SLIT3: variants seen among roughly 807,000 people sequenced by gnomAD.
SLIT3 encodes the protein slit homolog 3 protein.
In SLIT3, 68 loss-of-function variants were observed where a neutral mutation model predicts 184.0. The ratio of observed to expected loss-of-function variants is 0.37; its 90% CI spans 0.30 to 0.45. The LOEUF is 0.45. SLIT3 is among the 20% of genes least tolerant of loss of function. The probability of loss-of-function intolerance (pLI) is 1.00; values close to 1 mark genes in which losing one functional copy is unlikely to be tolerated. For missense variants in SLIT3, 1,707 were observed against 2,026.0 expected, an observed-to-expected ratio of 0.84 and a Z score of 3.02; for synonymous variants, 831 against 828.6, an observed-to-expected ratio of 1.00 and a Z score of -0.05.
rs141571780 is a variant in SLIT3 at position 168,745,319 on chromosome 5, A to G, written c.2270+2983T>C. Among the ~76,000 whole-genome samples the G allele has an allele frequency of 2.2e-3, 330 of 152,346 alleles. 1 individual carries two copies. The highest frequency in any genetic ancestry group is 7.3e-3 in the African/African-American group (302 of 41,568). On this transcript the variant is annotated intron_variant, in intron 20 of 35. Transcript: ENST00000519560. ...GAAATGGAATCTACTTTTGGTGAAG[A>G]TGCTGTGAACGTTGTTGAAATGACA...
chr5:168,942,501 C>T (rs945400831), intron 4 of SLIT3, among the ~76,000 whole-genome samples: 2 of 152,172 alleles, frequency 1.3e-5, no homozygotes, highest in African/African-American at 4.8e-5. Context: ...TGTATCTATG[C>T]ACATTTCTTT....
intron 4 of SLIT3, chr5:168,993,023 G>A (rs1164448609): frequency 6.6e-6 from 1 of 152,162 alleles, no homozygotes; most frequent in Non-Finnish European, 1.5e-5. Flanking sequence ...ATTTACCCCT[G>A]AACCTCTCTG....
chr5:168,764,651 A>G (rs373068782), intron 14 of SLIT3, among the ~76,000 whole-genome samples: 26 of 152,178 alleles, frequency 1.7e-4, no homozygotes, highest in African/African-American at 6.0e-4. Context: ...TGGGTCTCTA[A>G]TTCTGATGTG....
In SLIT3 at chr5:168,748,393, C is replaced by T; in HGVS notation, c.2179G>A (p.Glu727Lys). 2 of 1,520,708 alleles carry T rather than the reference C, an allele frequency of 1.3e-6. No individual in the cohort carries two copies. Among genetic ancestry groups the T allele is most frequent in the Non-Finnish European group, 1.7e-6 (2 of 1,146,076 alleles). 94.2% of individuals were successfully genotyped at this position (1,520,708 alleles called of 1,614,324 possible). Residue 727 changes from glutamate to lysine, a missense_variant, in exon 20 of 36, where the codon GAG (glutamate) becomes AAG (lysine). Physicochemically the swap from Glu to Lys is moderately conservative, Grantham distance 56. Transcript: ENST00000519560. ...SSCQLSPRCPEQCTCMETVVR... is the reference protein window; with the variant it reads ...SSCQLSPRCPKQCTCMETVVR... ...ACTGTCTCCATACAGGTGCACTGCT[C>T]CGGGCAGCGCGGGCTCAGCTGGCAG...
At chr5:168,960,227 G>C (rs60294644) in intron 4 of SLIT3, among the ~76,000 whole-genome samples, 1,599 of 152,322 alleles carry the variant, frequency 0.01, 41 homozygotes, top group African/African-American at 0.036. Context: ...GCAGGTAATA[G>C]TCGGTGCTTG....
chr5:169,005,157 T>C (rs1755869806), intron 4 of SLIT3, among the ~76,000 whole-genome samples: 1 of 152,198 alleles, frequency 6.6e-6, no homozygotes, highest in Non-Finnish European at 1.5e-5. Context: ...TGTTACAAAA[T>C]AGACTATGGA....
At chr5:169,299,381 T>C (rs1767608168) in intron 1 of SLIT3, among the ~76,000 whole-genome samples, 1 of 152,098 alleles carries the variant, frequency 6.6e-6, no homozygotes, top group African/African-American at 2.4e-5. Context: ...ACAATGCTTG[T>C]CATCACTACT....
At chr5:169,010,165 G>A (rs17666792) in intron 4 of SLIT3, among the ~76,000 whole-genome samples, 25,848 of 152,126 alleles carry the variant, frequency 0.17, 2,632 homozygotes, top group East Asian at 0.51. Context: ...AAAAAGTGGC[G>A]GTGTGGAATG....
intron 4 of SLIT3, among the ~76,000 whole-genome samples, chr5:169,165,335 T>C (rs1005573379): frequency 2.0e-5 from 3 of 152,254 alleles, no homozygotes; most frequent in African/African-American, 7.2e-5. Flanking sequence ...TGCAGTCTGC[T>C]AATAGAATCA....
intron 1 of SLIT3, among the ~76,000 whole-genome samples, chr5:169,270,164 C>T (rs1485879947): frequency 6.6e-6 from 1 of 152,212 alleles, no homozygotes; most frequent in Non-Finnish European, 1.5e-5. Context: ...CCTCAAAAAG[C>T]AGCAGTGTCC....
intron 18 of SLIT3, 109 bp downstream of exon 18, chr5:168,752,846 T>C: frequency 1.7e-6 from 2 of 1,148,066 alleles, no homozygotes; most frequent in Non-Finnish European, 2.5e-6. Flanking sequence ...AGTTTTTAAG[T>C]GGACAGACAG....
In SLIT3 at chr5:168,738,494, T is replaced by C. The variant is rs80229505; in HGVS notation, c.2270+9808A>G. 6.0e-3 allele frequency among the ~76,000 whole-genome samples: 920 copies of C among 152,352 alleles called. 10 individuals carry two copies. Among genetic ancestry groups the C allele is most frequent in the African/African-American group, 0.021 (868 of 41,570 alleles). Reference sequence around the variant, plus strand: ...TGTCTAGAGAAAAGTACCTGTGTAATTGAGTTGCAAGCTGAACTAGCTGGC... The same window carrying C: ...TGTCTAGAGAAAAGTACCTGTGTAACTGAGTTGCAAGCTGAACTAGCTGGC... On this transcript the variant is annotated intron_variant, in intron 20 of 35. Transcript: ENST00000519560.
chr5:168,714,314 TGAGGCCTGG>T (rs567042279), intron 23 of SLIT3, among the ~76,000 whole-genome samples: 4 of 152,336 alleles, frequency 2.6e-5, no homozygotes, highest in Admixed American at 6.5e-5. Flanking sequence ...CATTTCCAAA[TGAGGCCTGG>T]GCCCCTGGAG....
intron 4 of SLIT3, among the ~76,000 whole-genome samples, chr5:169,149,263 T>TTGGC (rs1762035228): frequency 6.6e-6 from 1 of 152,074 alleles, no homozygotes; most frequent in South Asian, 2.1e-4. Context: ...CAATGATTGT[T>TTGGC]TGGCGGTAAA....
intron 4 of SLIT3, among the ~76,000 whole-genome samples, chr5:168,982,774 C>T (rs554884814): frequency 6.6e-6 from 1 of 152,244 alleles, no homozygotes; most frequent in East Asian, 1.9e-4. Context: ...TGTCTCTGAA[C>T]TAAAACTCTA....
At position 169,300,548 on chromosome 5, in the gene SLIT3, C is replaced by T; in HGVS notation, c.162G>A (p.Ala54=). The T allele has an allele frequency of 6.6e-7, 1 of 1,509,618 alleles. No individual in the cohort carries two copies. The allele number at this position is 1,509,618 out of a possible 1,614,324, so 93.5% of individuals were successfully genotyped here. The part of the protein sequence containing the change: ...SVDCHGLGLR[A]VPRGIPRNAE... ...CGTTGCGGGGGATGCCCCGAGGAACCGCGCGGAGGCCCAGCCCGTGGCAGT... is the reference window on the plus strand; with the variant it reads ...CGTTGCGGGGGATGCCCCGAGGAACTGCGCGGAGGCCCAGCCCGTGGCAGT... Residue 54 remains alanine, a synonymous_variant, in exon 1 of 36, where the codon GCG becomes GCA. Transcript: ENST00000519560. The surrounding 1 kb of genome is among the most constrained non-coding windows in gnomAD (Gnocchi z 4.1).
At position 168,924,508 on chromosome 5, in the gene SLIT3, ATGTGTG is replaced by A. The variant is rs35121067; in HGVS notation, c.414-41178_414-41173del. ...GGTGTGTAAGGGTGTGTGTGTGTGTATGTGTGTGTGTGTGTGTGTGTAGCTCACTCT... is the reference window on the plus strand; with the variant it reads ...GGTGTGTAAGGGTGTGTGTGTGTGTATGTGTGTGTGTGTGTAGCTCACTCT... On this transcript the variant is annotated intron_variant, in intron 4 of 35. Transcript: ENST00000519560. 7.0e-5 allele frequency among the ~76,000 whole-genome samples: 10 copies of A among 141,916 alleles called. No individual in the cohort carries two copies. In the South Asian group the frequency reaches 2.1e-3, roughly 29 times the overall value. The allele number at this position is 141,916 out of a possible 152,430, so 93.1% of individuals were successfully genotyped here.
chr5:169,090,169 GA>G (rs756111598), intron 4 of SLIT3, among the ~76,000 whole-genome samples: 1 of 152,184 alleles, frequency 6.6e-6, no homozygotes, highest in Non-Finnish European at 1.5e-5. Flanking sequence ...TGTCTGGCAG[GA>G]GATGAAAATA....
chr5:168,924,923 C>T (rs1379310811), intron 4 of SLIT3, among the ~76,000 whole-genome samples: 1 of 152,140 alleles, frequency 6.6e-6, no homozygotes, highest in Non-Finnish European at 1.5e-5. Context: ...AGAACGCATC[C>T]CTGAGATCCC....
Sources: gnomAD v4.1 joint callset for allele counts (sites outside exome capture counted in the v4.1 genomes callset) on GRCh38, gnomAD v4.1.1 for gene constraint, Gnocchi (gnomAD v3.1) non-coding constraint, MANE v1.5 for transcripts, NCBI Gene and HGNC (gene_info 2026-07-23, HGNC 2026-07-21) for gene names.